The following PIAS2 variants were observed in gnomAD, a reference collection of about 807,000 sequenced individuals.
PIAS2 encodes the protein protein inhibitor of activated STAT 2, also known as E3 SUMO-protein ligase PIAS2.
Under a neutral mutation model 69.7 loss-of-function variants are expected in PIAS2, and 19 were observed. The observed-to-expected ratio is 0.27, with a 90% CI of 0.19 to 0.40. The LOEUF (loss-of-function observed/expected upper bound fraction) is 0.40. PIAS2 is among the 10% of genes least tolerant of loss of function. The probability of loss-of-function intolerance (pLI) is 1.00; values close to 1 mark genes in which losing one functional copy is unlikely to be tolerated. For synonymous variants in PIAS2, 261 were observed against 263.2 expected (o/e 0.99, Z 0.08); for missense variants, 624 against 757.0 (o/e 0.82, Z 2.06).
chr18:46,847,240 C>T (rs181536176), intron 5 of PIAS2, among the ~76,000 whole-genome samples: 206 of 152,096 alleles, frequency 1.4e-3, no homozygotes, highest in Non-Finnish European at 2.4e-3. Context: ...AAGAAAAAAA[C>T]CAAACTGGGA....
chr18:46,852,611 A>T (rs902120279), intron 5 of PIAS2: 2 of 152,250 alleles, frequency 1.3e-5, no homozygotes, highest in African/African-American at 2.4e-5. Flanking sequence ...GCCCCAGAGG[A>T]AGTACTCAAC....
At chr18:46,817,528 T>C in intron 12 of PIAS2, 1 of 939,954 alleles carries the variant, frequency 1.1e-6, no homozygotes, top group Non-Finnish European at 1.3e-6. Context: ...ATGTGTGTGG[T>C]AAATATAAAG....
At chr18:46,899,639 T>C (rs1236958527) in intron 1 of PIAS2, among the ~76,000 whole-genome samples, 2 of 152,200 alleles carry the variant, frequency 1.3e-5, no homozygotes, top group Non-Finnish European at 2.9e-5. Context: ...GCTAATCTTT[T>C]TAATTTTAGT....
intron 5 of PIAS2, among the ~76,000 whole-genome samples, chr18:46,847,764 G>T (rs1294399828): frequency 1.3e-5 from 2 of 152,194 alleles, no homozygotes; most frequent in Non-Finnish European, 2.9e-5. Context: ...TTACAGGCGT[G>T]AGCCACAGTG....
chr18:46,812,385 GA>G lies in PIAS2; in HGVS notation c.*47del. ...ACGTTTCCACAGACTAGAGATCCAA[GA>G]AAAAGCAGTTCTGATGAATGATTCC... On this transcript the variant is annotated 3_prime_UTR_variant, in exon 14 of 14. Coordinates refer to ENST00000585916, the MANE Select transcript of PIAS2 (RefSeq NM_004671.5). 1 of 1,086,502 alleles carries G rather than the reference GA, an allele frequency of 9.2e-7. No homozygotes were observed. The highest frequency in any genetic ancestry group is 1.3e-6 in the Non-Finnish European group (1 of 752,812). 67.3% of individuals were successfully genotyped at this position (1,086,502 alleles called of 1,614,324 possible).
intron 9 of PIAS2, among the ~76,000 whole-genome samples, chr18:46,834,161 C>T (rs548109869): frequency 6.6e-6 from 1 of 152,148 alleles, no homozygotes; most frequent in South Asian, 2.1e-4. Context: ...AACTGCACAA[C>T]TGGAAAAAGG....
chr18:46,819,978 C>T (rs1204048354), intron 12 of PIAS2, among the ~76,000 whole-genome samples: 2 of 152,136 alleles, frequency 1.3e-5, no homozygotes, highest in Non-Finnish European at 2.9e-5. Flanking sequence ...TACCTGTGGT[C>T]AACTGCAGTC....
intron 3 of PIAS2, among the ~76,000 whole-genome samples, chr18:46,861,710 C>T (rs998617548): frequency 6.6e-6 from 1 of 152,130 alleles, no homozygotes; most frequent in Non-Finnish European, 1.5e-5. Flanking sequence ...CTACAAAACA[C>T]CTGATCAGTA....
intron 12 of PIAS2, among the ~76,000 whole-genome samples, chr18:46,819,904 A>G (rs894637424): frequency 7.2e-5 from 11 of 152,168 alleles, no homozygotes; most frequent in Admixed American, 1.3e-4. Context: ...AGGTAATTCT[A>G]GCAACCTTAA....
chr18:46,837,442 G>T (rs922511743), intron 8 of PIAS2, among the ~76,000 whole-genome samples: 1 of 151,714 alleles, frequency 6.6e-6, no homozygotes, highest in African/African-American at 2.4e-5. Context: ...TTCCCATTTG[G>T]TTATTAATCT....
intron 12 of PIAS2, chr18:46,816,436 G>A (rs1479811293): frequency 5.1e-6 from 5 of 984,616 alleles, no homozygotes; most frequent in Non-Finnish European, 6.0e-6. Context: ...TCATTCCAAC[G>A]ATTTCTAAAG....
At chr18:46,919,306 G>A (rs1164466793), upstream of PIAS2, among the ~76,000 whole-genome samples, 1 of 152,042 alleles carries the variant, frequency 6.6e-6, no homozygotes, top group Non-Finnish European at 1.5e-5. Context: ...GACCAACATG[G>A]AGAAACCCCG....
chr18:46,827,994 G>T lies in PIAS2; in HGVS notation c.1473C>A (p.Ile491=). Residue 491 remains isoleucine (I), a synonymous_variant, in exon 11 of 14, where the codon ATC becomes ATA. Coordinates refer to ENST00000585916, the MANE Select transcript of PIAS2 (RefSeq NM_004671.5). ...GGCTGCTTTGTGTTTCTGACATAAA[G>T]ATGCATTTCCTTTTGGCAGGAGGGT... ...EEDPPAKRKC[I]FMSETQSSPT... 6.2e-7 allele frequency: 1 copy of T among 1,613,810 alleles called. No individual in the cohort carries two copies. Among genetic ancestry groups the T allele is most frequent in the East Asian group, 2.2e-5 (1 of 44,860 alleles).
chr18:46,866,934 G>T (rs373270850), intron 2 of PIAS2, among the ~76,000 whole-genome samples: 2 of 152,154 alleles, frequency 1.3e-5, no homozygotes, highest in East Asian at 3.8e-4. Flanking sequence ...AGTATTTGAG[G>T]CTCTGTCTGA....
chr18:46,837,735 G>T (rs1471634383), intron 8 of PIAS2, among the ~76,000 whole-genome samples: 1 of 152,162 alleles, frequency 6.6e-6, no homozygotes, highest in Non-Finnish European at 1.5e-5. Context: ...GATTTGATCA[G>T]ACCAGGTTTT....
intron 2 of PIAS2, among the ~76,000 whole-genome samples, chr18:46,869,466 A>C (rs567322043): frequency 1.3e-5 from 2 of 152,278 alleles, no homozygotes; most frequent in South Asian, 4.2e-4. Flanking sequence ...GGAAGGCAAG[A>C]AATCTCTAAT....
At chr18:46,839,466 G>A (rs919997333) in intron 8 of PIAS2, among the ~76,000 whole-genome samples, 3 of 152,078 alleles carry the variant, frequency 2.0e-5, no homozygotes, top group Non-Finnish European at 4.4e-5. Flanking sequence ...TAATCTATAA[G>A]TACCTATTTG....
upstream of PIAS2, among the ~76,000 whole-genome samples, chr18:46,919,721 A>C (rs1193152973): frequency 1.3e-5 from 2 of 152,248 alleles, no homozygotes; most frequent in Non-Finnish European, 2.9e-5. Context: ...ATGGCTGATA[A>C]ATGCCTAACA....
chr18:46,857,914 T>A (rs942552810), intron 3 of PIAS2, among the ~76,000 whole-genome samples: 1 of 152,216 alleles, frequency 6.6e-6, no homozygotes, highest in African/African-American at 2.4e-5. Flanking sequence ...AGTAGAAGAA[T>A]GCTGCTTTCA....
Sources: allele counts gnomAD v4.1 joint callset (sites outside exome capture counted in the v4.1 genomes callset), GRCh38; gene constraint gnomAD v4.1.1; transcripts MANE v1.5; gene names NCBI Gene and HGNC (gene_info 2026-07-23, HGNC 2026-07-21).